The following MACROD2 variants were observed in gnomAD, a reference collection of about 807,000 sequenced individuals.
MACROD2 encodes ADP-ribose glycohydrolase MACROD2.
MACROD2 carries 36 observed loss-of-function variants against 70.4 expected under a neutral mutation model. The ratio of observed to expected loss-of-function variants is 0.51; its 90% CI spans 0.39 to 0.68. The LOEUF is 0.68. Ranked by LOEUF, MACROD2 falls within the 30% of genes least tolerant of loss-of-function variation. The pLI, the probability that MACROD2 is intolerant of heterozygous loss-of-function variation, is 0.00. For synonymous variants in MACROD2, 172 were observed against 178.8 expected (o/e 0.96, Z 0.30); for missense variants, 496 against 538.4 (o/e 0.92, Z 0.78).
intron 6 of MACROD2, chr20:15,280,901 C>T (rs1301213403): frequency 6.6e-6 from 1 of 152,164 alleles, no homozygotes; most frequent in Non-Finnish European, 1.5e-5. Flanking sequence ...TGCTATAAAG[C>T]AATACCTAAG....
intron 3 of MACROD2, among the ~76,000 whole-genome samples, chr20:14,415,961 TA>T (rs2083799376): frequency 7.7e-6 from 1 of 130,378 alleles, no homozygotes. Flanking sequence ...TGTTGTCCTC[TA>T]TTTTTTTTTT....
intron 8 of MACROD2, among the ~76,000 whole-genome samples, chr20:15,538,131 G>T (rs2047901750): frequency 6.6e-6 from 1 of 152,146 alleles, no homozygotes; most frequent in South Asian, 2.1e-4. Flanking sequence ...GGGAACTATT[G>T]CAGTTTTCCA....
At chr20:14,519,841 T>G (rs1386603726) in intron 4 of MACROD2, among the ~76,000 whole-genome samples, 1 of 152,064 alleles carries the variant, frequency 6.6e-6, no homozygotes, top group Non-Finnish European at 1.5e-5. Context: ...ATAGACTGGA[T>G]AAAGAAAACA....
At chr20:14,139,762 A>C (rs2054844979) in intron 3 of MACROD2, among the ~76,000 whole-genome samples, 1 of 152,192 alleles carries the variant, frequency 6.6e-6, no homozygotes. Context: ...TTACAGATTG[A>C]ATATTCCCAA....
chr20:15,387,765 G>A lies in MACROD2; in HGVS notation c.541-43640G>A, dbSNP rs576354250. Among the ~76,000 whole-genome samples, 4 of 145,742 alleles carry A rather than the reference G, an allele frequency of 2.7e-5. No homozygotes were observed. In the South Asian group the frequency reaches 8.7e-4, roughly 32 times the overall value. ...TTTTTTTTTTTTTTTTTTGAGACAG[G>A]TCTCACTCTGTCATCCAAGCTGGAG... On this transcript the variant is annotated intron_variant, in intron 6 of 17. Transcript: ENST00000684519.
At chr20:14,572,237 T>C (rs1465903948) in intron 4 of MACROD2, among the ~76,000 whole-genome samples, 1 of 152,154 alleles carries the variant, frequency 6.6e-6, no homozygotes, top group African/African-American at 2.4e-5. Flanking sequence ...GAGAGTATCA[T>C]AGAGATCAGT....
At chr20:15,905,951 A>C (rs2065141062) in intron 10 of MACROD2, among the ~76,000 whole-genome samples, 1 of 152,226 alleles carries the variant, frequency 6.6e-6, no homozygotes, top group African/African-American at 2.4e-5. Flanking sequence ...GCAGAAACCC[A>C]GGGTACTGTA....
chr20:16,012,907 C>T (rs892697233), intron 15 of MACROD2, among the ~76,000 whole-genome samples: 20 of 152,124 alleles, frequency 1.3e-4, no homozygotes, highest in African/African-American at 2.7e-4. Flanking sequence ...GTTGGCTGGG[C>T]GCAGTGACTC....
chr20:14,645,815 C>A (rs1985358241), intron 4 of MACROD2, among the ~76,000 whole-genome samples: 1 of 151,964 alleles, frequency 6.6e-6, no homozygotes, highest in African/African-American at 2.4e-5. Context: ...AGAGAGATCA[C>A]ATTCTCTCTG....
intron 5 of MACROD2, among the ~76,000 whole-genome samples, chr20:14,702,145 T>TA (rs2071203644): frequency 6.6e-6 from 1 of 152,174 alleles, no homozygotes; most frequent in African/African-American, 2.4e-5. Context: ...TGATGCTATT[T>TA]AGAAAGCTTT....
intron 2 of MACROD2, among the ~76,000 whole-genome samples, chr20:14,005,776 T>C (rs1374002588): frequency 6.6e-6 from 1 of 152,098 alleles, no homozygotes; most frequent in Non-Finnish European, 1.5e-5. Flanking sequence ...AATTTTTGTA[T>C]TTTTTGTGGA....
intron 4 of MACROD2, among the ~76,000 whole-genome samples, chr20:14,507,301 C>A (rs2084979431): frequency 6.6e-6 from 1 of 151,812 alleles, no homozygotes; most frequent in Admixed American, 6.6e-5. Context: ...AAAAAATATG[C>A]AAATAAACAG....
chr20:15,157,368 C>CCCA, intron 5 of MACROD2, among the ~76,000 whole-genome samples: 1 of 32,064 alleles, frequency 3.1e-5, no homozygotes, highest in African/African-American at 1.2e-4. Flanking sequence ...CACCTCCCCC[C>CCCA]CCCCCGGCCA....
At chr20:15,513,914 C>T (rs187717318) in intron 8 of MACROD2, among the ~76,000 whole-genome samples, 1 of 152,222 alleles carries the variant, frequency 6.6e-6, no homozygotes, top group Admixed American at 6.5e-5. Flanking sequence ...TTCTTTTCAC[C>T]TAGTGATGTT....
At chr20:15,517,109 T>C (rs911453669) in intron 8 of MACROD2, among the ~76,000 whole-genome samples, 2 of 152,152 alleles carry the variant, frequency 1.3e-5, no homozygotes, top group Non-Finnish European at 2.9e-5. Flanking sequence ...CTGGGAAGGA[T>C]CCATAGGTTC....
intron 3 of MACROD2, among the ~76,000 whole-genome samples, chr20:14,415,291 C>T (rs1331495591): frequency 6.6e-6 from 1 of 151,494 alleles, no homozygotes; most frequent in Non-Finnish European, 1.5e-5. Flanking sequence ...TGTTAGAAAT[C>T]TTTTTACTGC....
intron 7 of MACROD2, among the ~76,000 whole-genome samples, chr20:15,484,996 G>T (rs1388348617): frequency 6.6e-6 from 1 of 152,114 alleles, no homozygotes; most frequent in Non-Finnish European, 1.5e-5. Flanking sequence ...AAAGAAAGTT[G>T]TTGCTTTCTT....
At chr20:15,252,618 C>T (rs1453244629) in intron 6 of MACROD2, among the ~76,000 whole-genome samples, 1 of 152,126 alleles carries the variant, frequency 6.6e-6, no homozygotes, top group Non-Finnish European at 1.5e-5. Flanking sequence ...GATAATCCTC[C>T]CTCAGGAAAA....
At chr20:15,279,528 AGT>A (rs1787506215) in intron 6 of MACROD2, among the ~76,000 whole-genome samples, 2 of 152,244 alleles carry the variant, frequency 1.3e-5, no homozygotes, top group African/African-American at 4.8e-5. Flanking sequence ...ACAAGACAGC[AGT>A]GTTTTTCAAA....
Sources: allele counts gnomAD v4.1 joint callset (sites outside exome capture counted in the v4.1 genomes callset), GRCh38; gene constraint gnomAD v4.1.1; transcripts MANE v1.5; gene names NCBI Gene and HGNC (gene_info 2026-07-23, HGNC 2026-07-21).